The following CRPPA variants were observed in gnomAD, a reference collection of about 807,000 sequenced individuals.
CRPPA encodes the protein D-ribitol-5-phosphate cytidylyltransferase.
CRPPA carries 43 observed loss-of-function variants against 52.0 expected under a neutral mutation model. The ratio of observed to expected loss-of-function variants is 0.83; its 90% CI spans 0.65 to 1.07. The LOEUF is 1.07. Among genes scored for constraint, CRPPA ranks in the 50% least tolerant of loss-of-function variants. The pLI is 0.00. For synonymous variants in CRPPA, 250 were observed against 203.5 expected, an observed-to-expected ratio of 1.23 and a Z score of -1.94; for missense variants, 629 against 551.7, an observed-to-expected ratio of 1.14 and a Z score of -1.40.
At chr7:16,247,101 C>T (rs898554791) in intron 8 of CRPPA, among the ~76,000 whole-genome samples, 16 of 152,220 alleles carry the variant, frequency 1.1e-4, no homozygotes, top group African/African-American at 3.1e-4. Context: ...GATAACTTAG[C>T]GCAGCCTCAA....
rs1343825518 is a variant in CRPPA at position 16,376,081 on chromosome 7, C to T, written c.684+11G>A. On this transcript the variant is annotated intron_variant, in intron 3 of 9. Coordinates refer to ENST00000407010, the MANE Select transcript of CRPPA (RefSeq NM_001101426.4). ...ATAACAGCAGCTTATTCAAAAAGCC[C>T]AAATTCTTACCTGCTGATATGCTTC... The T allele has an allele frequency of 4.5e-6, 7 of 1,557,854 alleles. No individual in the cohort carries two copies. The highest frequency in any genetic ancestry group is 6.1e-6 in the Non-Finnish European group (7 of 1,152,968).
intron 9 of CRPPA, among the ~76,000 whole-genome samples, chr7:16,199,706 T>C (rs1259838099): frequency 1.3e-5 from 2 of 152,110 alleles, no homozygotes; most frequent in African/African-American, 2.4e-5. Context: ...ACTTGAAGTA[T>C]CTTTACACTG....
At chr7:16,201,007 G>A (rs1781839844) in intron 9 of CRPPA, among the ~76,000 whole-genome samples, 1 of 151,976 alleles carries the variant, frequency 6.6e-6, no homozygotes, top group Non-Finnish European at 1.5e-5. Context: ...GTCTAATAAT[G>A]AAGAAAATTG....
intron 3 of CRPPA, among the ~76,000 whole-genome samples, chr7:16,343,533 T>C (rs1785927387): frequency 6.6e-6 from 1 of 151,592 alleles, no homozygotes; most frequent in Admixed American, 6.6e-5. Context: ...CCAATATATG[T>C]TTTTAGTTGA....
chr7:16,377,774 A>G (rs1786934439), intron 2 of CRPPA, among the ~76,000 whole-genome samples: 1 of 152,132 alleles, frequency 6.6e-6, no homozygotes, highest in South Asian at 2.1e-4. Context: ...CCTCACCCCA[A>G]GTTCCCAGTA....
intron 5 of CRPPA, among the ~76,000 whole-genome samples, chr7:16,286,064 T>TAATATTTAAAAAAAAAAA (rs1562608511): frequency 3.4e-5 from 1 of 29,770 alleles, no homozygotes; most frequent in African/African-American, 2.1e-4. Flanking sequence ...TATATATATA[T>TAATATTTAAAAAAAAAAA]ATATATATAT....
intron 9 of CRPPA, among the ~76,000 whole-genome samples, chr7:16,189,803 A>G (rs1457931763): frequency 2.0e-5 from 3 of 152,182 alleles, no homozygotes; most frequent in Non-Finnish European, 2.9e-5. Flanking sequence ...ACAGAAATAG[A>G]ATACAGACCA....
intron 9 of CRPPA, among the ~76,000 whole-genome samples, chr7:16,204,583 G>A (rs550195107): frequency 5.1e-4 from 78 of 152,108 alleles, no homozygotes; most frequent in African/African-American, 1.8e-3. Flanking sequence ...CACAACATAC[G>A]CATGTAACAA....
chr7:16,300,661 A>T (rs1386059564), intron 5 of CRPPA, among the ~76,000 whole-genome samples: 5 of 152,178 alleles, frequency 3.3e-5, no homozygotes, highest in Admixed American at 6.6e-5. Flanking sequence ...GCGTGCTGCT[A>T]AACAACTTGT....
chr7:16,411,460 C>T (rs1042780803), intron 1 of CRPPA, among the ~76,000 whole-genome samples: 3 of 151,842 alleles, frequency 2.0e-5, no homozygotes, highest in Non-Finnish European at 2.9e-5. Flanking sequence ...TAGTCAAAAG[C>T]GCTCAAGTTT....
At chr7:16,401,222 A>G (rs1487008935) in intron 2 of CRPPA, among the ~76,000 whole-genome samples, 1 of 152,210 alleles carries the variant, frequency 6.6e-6, no homozygotes, top group African/African-American at 2.4e-5. Flanking sequence ...GAGCTCATAA[A>G]TAACAGACTC....
At chr7:16,414,886 C>T (rs1282022096) in intron 1 of CRPPA, among the ~76,000 whole-genome samples, 1 of 152,120 alleles carries the variant, frequency 6.6e-6, no homozygotes, top group Non-Finnish European at 1.5e-5. Flanking sequence ...ATGCACAATT[C>T]TGGACTACCA....
intron 3 of CRPPA, among the ~76,000 whole-genome samples, chr7:16,317,792 C>A (rs1785178078): frequency 6.6e-6 from 1 of 152,136 alleles, no homozygotes; most frequent in South Asian, 2.1e-4. Flanking sequence ...TATGTGAGTT[C>A]TATTTTCAAT....
intron 9 of CRPPA, among the ~76,000 whole-genome samples, chr7:16,106,326 C>A (rs986271366): frequency 1.3e-5 from 2 of 152,206 alleles, no homozygotes; most frequent in Admixed American, 6.5e-5. Context: ...TGCTGAGCAG[C>A]AATTCTGCCT....
At chr7:16,103,754 G>A (rs559005442) in intron 9 of CRPPA, among the ~76,000 whole-genome samples, 5 of 152,230 alleles carry the variant, frequency 3.3e-5, no homozygotes, top group African/African-American at 1.2e-4. Context: ...GCTGTTGTTA[G>A]GCAATGGATA....
At chr7:16,236,286 C>T (rs1029509216) in intron 8 of CRPPA, among the ~76,000 whole-genome samples, 1 of 152,102 alleles carries the variant, frequency 6.6e-6, no homozygotes, top group African/African-American at 2.4e-5. Context: ...GCCTGTCCTA[C>T]TGTTCCCAAA....
At chr7:16,103,540 C>T (rs1280529361) in intron 9 of CRPPA, among the ~76,000 whole-genome samples, 1 of 152,118 alleles carries the variant, frequency 6.6e-6, no homozygotes, top group Non-Finnish European at 1.5e-5. Context: ...TATATTTGTA[C>T]TTGGGAACTG....
intron 9 of CRPPA, among the ~76,000 whole-genome samples, chr7:16,095,274 T>G (rs1781914302): frequency 6.6e-6 from 1 of 152,222 alleles, no homozygotes; most frequent in Non-Finnish European, 1.5e-5. Flanking sequence ...ATTCCTTTAA[T>G]AAACTATGCA....
intron 9 of CRPPA, among the ~76,000 whole-genome samples, chr7:16,211,202 T>C (rs1452260422): frequency 3.9e-5 from 6 of 152,256 alleles, no homozygotes; most frequent in Non-Finnish European, 8.8e-5. Context: ...CATTCTCTAA[T>C]GAGTCTGCCA....
Sources: allele counts gnomAD v4.1 joint callset (sites outside exome capture counted in the v4.1 genomes callset), GRCh38; gene constraint gnomAD v4.1.1; transcripts MANE v1.5; gene names NCBI Gene and HGNC (gene_info 2026-07-23, HGNC 2026-07-21).